SLC35D4: variants seen among roughly 807,000 people sequenced by gnomAD.
SLC35D4 encodes solute carrier family 35 member D4.
chr18:23,268,975 A>G, the SLC35D4 span, among the ~76,000 whole-genome samples: 1 of 152,234 alleles, frequency 6.6e-6, no homozygotes, highest in African/African-American at 2.4e-5. Context: ...AGAGCAGTTC[A>G]GAGAAAATCT....
chr18:23,408,334 C>A, the SLC35D4 span, among the ~76,000 whole-genome samples: 1 of 152,208 alleles, frequency 6.6e-6, no homozygotes, highest in Non-Finnish European at 1.5e-5. Context: ...ACATCTCCAG[C>A]ACCAAGAACA....
the SLC35D4 span, among the ~76,000 whole-genome samples, chr18:23,434,423 C>A: frequency 2.6e-5 from 4 of 152,280 alleles, no homozygotes; most frequent in East Asian, 7.7e-4. Context: ...ATTCCTGGGA[C>A]CAAACAATTT....
At chr18:23,345,042 T>C in the SLC35D4 span, among the ~76,000 whole-genome samples, 1 of 152,234 alleles carries the variant, frequency 6.6e-6, no homozygotes, top group Non-Finnish European at 1.5e-5. Flanking sequence ...CTTTTTGTTA[T>C]GTTTTCTTCT....
the SLC35D4 span, chr18:23,399,650 GAA>G: frequency 6.2e-7 from 1 of 1,613,448 alleles, no homozygotes; most frequent in Non-Finnish European, 8.5e-7. Context: ...CATGAGATCT[GAA>G]AAGAGGGGAA....
the SLC35D4 span, among the ~76,000 whole-genome samples, chr18:23,246,600 C>A: frequency 1.3e-5 from 2 of 151,882 alleles, no homozygotes; most frequent in Non-Finnish European, 2.9e-5. Flanking sequence ...ACCGTGTTAG[C>A]CAGGATGGTC....
At chr18:23,413,031 C>CT in the SLC35D4 span, among the ~76,000 whole-genome samples, 12 of 151,370 alleles carry the variant, frequency 7.9e-5, no homozygotes, top group South Asian at 2.1e-4. Context: ...CCGTAAAGTT[C>CT]TTTTTTTTTG....
At chr18:23,384,005 G>C in the SLC35D4 span, among the ~76,000 whole-genome samples, 1 of 137,970 alleles carries the variant, frequency 7.2e-6, no homozygotes, top group African/African-American at 2.6e-5. Flanking sequence ...AAAAATTGGG[G>C]GGGGGGGGTG....
chr18:23,261,299 A>C, the SLC35D4 span, among the ~76,000 whole-genome samples: 2 of 152,042 alleles, frequency 1.3e-5, no homozygotes, highest in Non-Finnish European at 2.9e-5. Flanking sequence ...ACCTTATTCC[A>C]GTCTGGGCAA....
the SLC35D4 span, chr18:23,376,709 G>A: frequency 2.5e-5 from 11 of 448,410 alleles, no homozygotes; most frequent in South Asian, 1.7e-4. Context: ...CCCATCCATG[G>A]AGAATGAGCA....
At chr18:23,393,034 G>T in the SLC35D4 span, among the ~76,000 whole-genome samples, 1 of 152,050 alleles carries the variant, frequency 6.6e-6, no homozygotes, top group African/African-American at 2.4e-5. Context: ...TTCTGCCTCA[G>T]CCTCCTGAGT....
At chr18:23,344,615 G>A in the SLC35D4 span, among the ~76,000 whole-genome samples, 1 of 84,264 alleles carries the variant, frequency 1.2e-5, no homozygotes, top group East Asian at 3.4e-4. Flanking sequence ...TTTTTTTTTT[G>A]TTTTGAGACA....
At chr18:23,422,196 T>G in the SLC35D4 span, among the ~76,000 whole-genome samples, 1 of 152,072 alleles carries the variant, frequency 6.6e-6, no homozygotes, top group Admixed American at 6.6e-5. Context: ...ATATAGTGAG[T>G]AATGGTGAGG....
chr18:23,370,246 A>T, the SLC35D4 span: 1 of 1,612,752 alleles, frequency 6.2e-7, no homozygotes, highest in Non-Finnish European at 8.5e-7. Flanking sequence ...GGACTTCTGT[A>T]GAATTTTATA....
chr18:23,325,497 T>C, the SLC35D4 span, among the ~76,000 whole-genome samples: 1 of 152,012 alleles, frequency 6.6e-6, no homozygotes, highest in Non-Finnish European at 1.5e-5. Flanking sequence ...GCAAAGAAGG[T>C]GCGTGATCAG....
the SLC35D4 span, among the ~76,000 whole-genome samples, chr18:23,364,478 T>C: frequency 2.6e-5 from 4 of 152,166 alleles, no homozygotes; most frequent in Non-Finnish European, 5.9e-5. Flanking sequence ...CACACAGACA[T>C]TATTGTTTTA....
chr18:23,389,937 T>A, the SLC35D4 span, among the ~76,000 whole-genome samples: 2 of 152,226 alleles, frequency 1.3e-5, no homozygotes, highest in Non-Finnish European at 2.9e-5. Context: ...CCCTAGTGAC[T>A]GATGCTTTCA....
chr18:23,275,593 A>AGTGCTGTGCTGTGCT, the SLC35D4 span, among the ~76,000 whole-genome samples: 203 of 140,692 alleles, frequency 1.4e-3, no homozygotes, highest in African/African-American at 3.4e-3. Flanking sequence ...GGTCAGAAAG[A>AGTGCTGTGCTGTGCT]GTGCTGTGCT....
the SLC35D4 span, among the ~76,000 whole-genome samples, chr18:23,246,953 A>G: frequency 2.6e-5 from 4 of 152,334 alleles, no homozygotes; most frequent in East Asian, 7.7e-4. Context: ...TCAGCCTCCT[A>G]AAGTGCTGGG....
the SLC35D4 span, among the ~76,000 whole-genome samples, chr18:23,285,418 T>C: frequency 1.3e-3 from 204 of 152,288 alleles, 2 homozygotes; most frequent in African/African-American, 4.5e-3. Flanking sequence ...GAAATGCCGC[T>C]TGACCCCGAG....
Sources: allele counts gnomAD v4.1 joint callset (sites outside exome capture counted in the v4.1 genomes callset), GRCh38; gene constraint gnomAD v4.1.1; transcripts MANE v1.5; gene names NCBI Gene and HGNC (gene_info 2026-07-23, HGNC 2026-07-21).